The following SLC20A2 variants were observed in gnomAD, a reference collection of about 807,000 sequenced individuals.
SLC20A2 encodes solute carrier family 20 member 2.
Under a neutral mutation model 61.0 loss-of-function variants are expected in SLC20A2, and 30 were observed. The observed-to-expected ratio is 0.49, with a 90% CI of 0.37 to 0.67. The LOEUF (loss-of-function observed/expected upper bound fraction) is 0.67. Ranked by LOEUF, SLC20A2 falls within the 30% of genes least tolerant of loss-of-function variation. SLC20A2 has a pLI of 0.00. For synonymous variants in SLC20A2, 351 were observed against 353.3 expected, an observed-to-expected ratio of 0.99 and a Z score of 0.07; for missense variants, 626 against 866.4, an observed-to-expected ratio of 0.72 and a Z score of 3.48.
intron 5 of SLC20A2, among the ~76,000 whole-genome samples, chr8:42,452,588 A>C (rs1192403703): frequency 6.7e-6 from 1 of 150,306 alleles, no homozygotes; most frequent in Admixed American, 6.6e-5. Context: ...GAAGAGGAAG[A>C]GATGAAGAAG....
intron 10 of SLC20A2, among the ~76,000 whole-genome samples, chr8:42,427,066 G>T (rs1046593112): frequency 2.0e-5 from 3 of 152,252 alleles, no homozygotes; most frequent in Non-Finnish European, 4.4e-5. Flanking sequence ...CACAATGAAT[G>T]GGTGGCGGGC....
chr8:42,500,634 C>G (rs7008825), intron 1 of SLC20A2, among the ~76,000 whole-genome samples: 1,949 of 152,242 alleles, frequency 0.013, 46 homozygotes, highest in African/African-American at 0.043. Context: ...ACTTGTAGCA[C>G]AGAGTATAAC....
At chr8:42,513,664 G>C (rs1289808058) in intron 1 of SLC20A2, among the ~76,000 whole-genome samples, 1 of 152,148 alleles carries the variant, frequency 6.6e-6, no homozygotes, top group Non-Finnish European at 1.5e-5. Context: ...CAGGCTCTCA[G>C]GGAGCTTCCT....
chr8:42,503,143 C>G (rs1376578577), upstream of SLC20A2, among the ~76,000 whole-genome samples: 1 of 152,240 alleles, frequency 6.6e-6, no homozygotes, highest in African/African-American at 2.4e-5. Context: ...ACCTGTTCCA[C>G]AGTGGAAGAA....
At chr8:42,541,271 A>T (rs1813119423) in intron 1 of SLC20A2, 1 of 151,058 alleles carries the variant, frequency 6.6e-6, no homozygotes, top group African/African-American at 2.4e-5. Context: ...GGCCAGGTCC[A>T]CGTGGGCCAG....
At chr8:42,443,289 A>T (rs1283247921) in intron 6 of SLC20A2, among the ~76,000 whole-genome samples, 3 of 134,408 alleles carry the variant, frequency 2.2e-5, no homozygotes, top group African/African-American at 5.3e-5. Context: ...ATATATATAT[A>T]TATATATATA....
At chr8:42,528,187 C>T (rs914287087) in intron 1 of SLC20A2, among the ~76,000 whole-genome samples, 4 of 152,096 alleles carry the variant, frequency 2.6e-5, no homozygotes, top group Non-Finnish European at 5.9e-5. Context: ...TATGACAGGG[C>T]GCGGTGGCTC....
chr8:42,433,320 T>C (rs1452369102), intron 8 of SLC20A2, among the ~76,000 whole-genome samples: 1 of 150,648 alleles, frequency 6.6e-6, no homozygotes, highest in Non-Finnish European at 1.5e-5. Flanking sequence ...AGTGGAATCA[T>C]AGAGTATTTA....
chr8:42,454,424 G>A (rs1486346382), intron 5 of SLC20A2, among the ~76,000 whole-genome samples: 1 of 152,026 alleles, frequency 6.6e-6, no homozygotes, highest in Non-Finnish European at 1.5e-5. Context: ...ATTATCTCAG[G>A]GACTATAGTG....
At chr8:42,447,950 C>G (rs936115986) in intron 5 of SLC20A2, among the ~76,000 whole-genome samples, 23 of 152,194 alleles carry the variant, frequency 1.5e-4, no homozygotes, top group African/African-American at 5.5e-4. Context: ...GCCCCTGCAC[C>G]CAAAGCTGAG....
rs911541068 is a variant in SLC20A2 at position 42,450,250 on chromosome 8, C to T, written c.614-5488G>A. ...TCGTTCGTTCTTTTTTTTTTTGAGACTGAGTCTTACTGTATTGCCCAGGCT... is the reference window on the plus strand; with the variant it reads ...TCGTTCGTTCTTTTTTTTTTTGAGATTGAGTCTTACTGTATTGCCCAGGCT... On this transcript the variant is annotated intron_variant, in intron 5 of 10. Coordinates refer to ENST00000520262, the MANE Select transcript of SLC20A2 (RefSeq NM_001257180.2). Among the ~76,000 whole-genome samples the T allele has an allele frequency of 3.4e-5, 5 of 148,876 alleles. No homozygotes were observed. In the Admixed American group the frequency reaches 3.4e-4, roughly 10 times the overall value.
intron 1 of SLC20A2, among the ~76,000 whole-genome samples, chr8:42,533,654 C>CTTTTTTTCTTTTTTGTTTTTTTT (rs1253260874): frequency 1.8e-5 from 1 of 55,310 alleles, no homozygotes; most frequent in African/African-American, 8.1e-5. Context: ...ATCAACTGTT[C>CTTTTTTTCTTTTTTGTTTTTTTT]TTTTTTTTTT....
intron 7 of SLC20A2, among the ~76,000 whole-genome samples, chr8:42,438,077 A>C (rs7002031): frequency 0.044 from 6,334 of 143,616 alleles, 564 homozygotes; most frequent in African/African-American, 0.14. Context: ...AAAAAAAAAA[A>C]AAAAAAAAAA....
At chr8:42,520,454 C>T (rs1811580420) in intron 1 of SLC20A2, among the ~76,000 whole-genome samples, 1 of 60,154 alleles carries the variant, frequency 1.7e-5, no homozygotes, top group Non-Finnish European at 5.8e-5. Flanking sequence ...AGGCTGGGGG[C>T]GGTGGCTTAC....
intron 6 of SLC20A2, among the ~76,000 whole-genome samples, chr8:42,441,196 G>A (rs1804755040): frequency 1.4e-5 from 2 of 146,258 alleles, no homozygotes; most frequent in Admixed American, 6.9e-5. Flanking sequence ...CCAGGCTAGA[G>A]TGCGCTGGAG....
intron 1 of SLC20A2, among the ~76,000 whole-genome samples, chr8:42,476,022 C>G (rs1251389588): frequency 6.9e-6 from 1 of 143,966 alleles, no homozygotes; most frequent in Non-Finnish European, 1.5e-5. Flanking sequence ...CTTTTTGGGG[C>G]TAGGATGGGG....
chr8:42,531,770 T>C (rs1812334817), intron 1 of SLC20A2, among the ~76,000 whole-genome samples: 1 of 151,522 alleles, frequency 6.6e-6, no homozygotes, highest in African/African-American at 2.4e-5. Flanking sequence ...AAGGAGACAT[T>C]AAGCCTCTCA....
intron 1 of SLC20A2, among the ~76,000 whole-genome samples, chr8:42,496,719 C>G (rs1809954264): frequency 6.6e-6 from 1 of 152,232 alleles, no homozygotes; most frequent in South Asian, 2.1e-4. Context: ...ACAGATAATA[C>G]ATTCCACTGT....
intron 5 of SLC20A2, among the ~76,000 whole-genome samples, chr8:42,455,193 C>G (rs957993847): frequency 8.4e-5 from 11 of 131,074 alleles, no homozygotes; most frequent in Non-Finnish European, 1.4e-4. Flanking sequence ...CTACTGCACT[C>G]TAGCCTAGGA....
Sources: gnomAD v4.1 joint callset for allele counts (sites outside exome capture counted in the v4.1 genomes callset) on GRCh38, gnomAD v4.1.1 for gene constraint, MANE v1.5 for transcripts, NCBI Gene and HGNC (gene_info 2026-07-23, HGNC 2026-07-21) for gene names.